Variants in OPCML observed in about 807,000 individuals in gnomAD.
The protein encoded by OPCML is opioid binding protein/cell adhesion molecule like, also known as opioid-binding protein/cell adhesion molecule.
In OPCML, 13 loss-of-function variants were observed where a neutral mutation model predicts 37.8. The observed-to-expected ratio is 0.34, with a 90% confidence interval of 0.22 to 0.55. The LOEUF (loss-of-function observed/expected upper bound fraction) is 0.55, where lower values mean the gene tolerates loss of function less well. Ranked by LOEUF, OPCML falls within the 20% of genes least tolerant of loss-of-function variation. The pLI, the probability that OPCML is intolerant of heterozygous loss-of-function variation, is 0.91. For synonymous variants in OPCML, 176 were observed against 168.8 expected (o/e 1.04, Z -0.33); for missense variants, 341 against 435.6 (o/e 0.78, Z 1.93).
At chr11:133,347,122 G>T (rs1025297183) in intron 1 of OPCML, among the ~76,000 whole-genome samples, 2 of 152,220 alleles carry the variant, frequency 1.3e-5, no homozygotes, top group African/African-American at 2.4e-5. Flanking sequence ...GCCAAAGAAT[G>T]TATTGCTTAT....
chr11:133,432,099 T>C (rs1946133547), intron 1 of OPCML, among the ~76,000 whole-genome samples: 1 of 151,920 alleles, frequency 6.6e-6, no homozygotes, highest in South Asian at 2.1e-4. Context: ...TACTTGAAGG[T>C]GCTTTGTGAC....
intron 2 of OPCML, among the ~76,000 whole-genome samples, chr11:132,659,275 G>A (rs919987229): frequency 6.6e-6 from 1 of 152,064 alleles, no homozygotes; most frequent in Non-Finnish European, 1.5e-5. Flanking sequence ...ACTTTCAAAG[G>A]CTTTTCTTGG....
chr11:132,792,701 G>C (rs907556991), intron 2 of OPCML, among the ~76,000 whole-genome samples: 1 of 152,172 alleles, frequency 6.6e-6, no homozygotes, highest in Non-Finnish European at 1.5e-5. Flanking sequence ...GCCCCCACCT[G>C]CGGCCCCCAG....
At chr11:133,081,946 G>C (rs1388226587) in intron 1 of OPCML, among the ~76,000 whole-genome samples, 1 of 152,118 alleles carries the variant, frequency 6.6e-6, no homozygotes, top group African/African-American at 2.4e-5. Flanking sequence ...ATCCCAACGG[G>C]AGCGCGGTCC....
intron 1 of OPCML, among the ~76,000 whole-genome samples, chr11:133,220,984 G>A (rs1046448230): frequency 5.3e-5 from 8 of 152,104 alleles, no homozygotes; most frequent in East Asian, 3.9e-4. Flanking sequence ...ATTTTTTGTC[G>A]GAAATGAAAA....
chr11:133,515,773 A>C (rs1249507988), intron 1 of OPCML, among the ~76,000 whole-genome samples: 1 of 151,946 alleles, frequency 6.6e-6, no homozygotes, highest in Non-Finnish European at 1.5e-5. Flanking sequence ...ATGTCAAAAA[A>C]TGTTTAATTT....
chr11:133,376,614 A>G (rs1265741189), intron 1 of OPCML, among the ~76,000 whole-genome samples: 1 of 152,214 alleles, frequency 6.6e-6, no homozygotes, highest in Non-Finnish European at 1.5e-5. Context: ...AGGCTTTTTA[A>G]ATATATGAAC....
chr11:132,786,292 T>G (rs1025072534), intron 2 of OPCML, among the ~76,000 whole-genome samples: 1 of 152,232 alleles, frequency 6.6e-6, no homozygotes, highest in Non-Finnish European at 1.5e-5. Context: ...ATAGTTAAAG[T>G]GCTAACCAAA....
intron 1 of OPCML, among the ~76,000 whole-genome samples, chr11:133,514,900 C>A (rs1321828617): frequency 1.3e-5 from 2 of 152,164 alleles, no homozygotes; most frequent in African/African-American, 4.8e-5. Flanking sequence ...TTGAGAGAGT[C>A]AGTCCAGCTA....
intron 4 of OPCML, among the ~76,000 whole-genome samples, chr11:132,519,527 T>C (rs1301742385): frequency 6.6e-6 from 1 of 152,056 alleles, no homozygotes; most frequent in East Asian, 1.9e-4. Context: ...TATTGTTAAG[T>C]TGCAAAAATA....
At chr11:133,085,281 C>T (rs945891371) in intron 1 of OPCML, among the ~76,000 whole-genome samples, 1 of 152,198 alleles carries the variant, frequency 6.6e-6, no homozygotes, top group Non-Finnish European at 1.5e-5. Context: ...ACCCTGTGTT[C>T]AAACGCTTCT....
intron 3 of OPCML, among the ~76,000 whole-genome samples, chr11:132,568,452 G>C (rs2096429532): frequency 6.6e-6 from 1 of 152,154 alleles, no homozygotes; most frequent in African/African-American, 2.4e-5. Context: ...CAGGGTCTTT[G>C]CAGACATAAC....
chr11:132,853,597 A>G (rs1441835831), intron 2 of OPCML, among the ~76,000 whole-genome samples: 2 of 152,182 alleles, frequency 1.3e-5, no homozygotes, highest in African/African-American at 4.8e-5. Flanking sequence ...TCTCTTGCCT[A>G]TTTATAATGA....
At chr11:133,118,028 G>A (rs1314479339) in intron 1 of OPCML, 1 of 765,638 alleles carries the variant, frequency 1.3e-6, no homozygotes, top group African/African-American at 1.9e-5. Flanking sequence ...GTCTACAGGG[G>A]TGTGAAGTTT....
intron 7 of OPCML, among the ~76,000 whole-genome samples, chr11:132,429,256 G>A (rs937133701): frequency 5.3e-5 from 8 of 152,290 alleles, no homozygotes; most frequent in Admixed American, 5.2e-4. Flanking sequence ...TTCAGCAATC[G>A]AAATGACAAG....
intron 2 of OPCML, among the ~76,000 whole-genome samples, chr11:132,896,592 A>G (rs1943856590): frequency 6.6e-6 from 1 of 152,262 alleles, no homozygotes; most frequent in Non-Finnish European, 1.5e-5. Context: ...TGGCAAGGCC[A>G]GCAATACACC....
intron 2 of OPCML, among the ~76,000 whole-genome samples, chr11:132,925,534 C>A (rs372946646): frequency 6.6e-6 from 1 of 152,190 alleles, no homozygotes; most frequent in African/African-American, 2.4e-5. Flanking sequence ...GGAGGTAAAA[C>A]CCACGAAAGT....
intron 1 of OPCML, among the ~76,000 whole-genome samples, chr11:132,968,748 T>A (rs1354989023): frequency 6.6e-6 from 1 of 152,200 alleles, no homozygotes; most frequent in Non-Finnish European, 1.5e-5. Context: ...TCCAGGAATT[T>A]TTTTGTTGTT....
chr11:132,629,066 C>T (rs143925162), intron 3 of OPCML, among the ~76,000 whole-genome samples: 89 of 152,218 alleles, frequency 5.8e-4, no homozygotes, highest in African/African-American at 2.1e-3. Context: ...TCAGGCCAAC[C>T]CATCCTAAGC....
Sources: gnomAD v4.1 joint callset for allele counts (sites outside exome capture counted in the v4.1 genomes callset) on GRCh38, gnomAD v4.1.1 for gene constraint, MANE v1.5 for transcripts, NCBI Gene and HGNC (gene_info 2026-07-23, HGNC 2026-07-21) for gene names.